SYN3: variants seen among roughly 807,000 people sequenced by gnomAD.
SYN3 encodes the protein synapsin III, also known as synapsin-3.
A neutral mutation model predicts 65.8 loss-of-function variants in SYN3; 35 were observed. The ratio of observed to expected loss-of-function variants is 0.53; its 90% CI spans 0.41 to 0.70. The LOEUF (loss-of-function observed/expected upper bound fraction) is 0.70, where lower values mean the gene tolerates loss of function less well. SYN3 is among the 30% of genes least tolerant of loss of function. The probability of loss-of-function intolerance (pLI) is 0.00; values close to 1 mark genes in which losing one functional copy is unlikely to be tolerated. For missense variants in SYN3, 680 were observed against 749.0 expected (o/e 0.91, Z 1.08); for synonymous variants, 270 against 292.9 (o/e 0.92, Z 0.80).
At position 32,802,250 on chromosome 22, in the gene SYN3, G is replaced by T. The variant is rs568498482; in HGVS notation, c.711+62665C>A. On this transcript the variant is annotated intron_variant, in intron 6 of 13. Transcript: ENST00000358763. ...GAGGGGCAGACGGGGTTGGGGCGGA[G>T]TGGAGAAACTCGATGTCCTTGGGCG... The T allele has an allele frequency of 1.7e-5, 24 of 1,373,138 alleles. No homozygotes were observed. In the African/African-American group the frequency reaches 3.4e-4, roughly 19 times the overall value. The allele number at this position is 1,373,138 out of a possible 1,614,324, so 85.1% of individuals were successfully genotyped here. A position where few individuals can be genotyped will look rare whatever the true frequency, so the allele number is the denominator to read the frequency against.
At chr22:32,713,483 ATC>A (rs2060992743) in intron 6 of SYN3, among the ~76,000 whole-genome samples, 1 of 152,284 alleles carries the variant, frequency 6.6e-6, no homozygotes, top group African/African-American at 2.4e-5. Flanking sequence ...CATTTTAACT[ATC>A]CTTGCCTTGG....
chr22:32,781,084 C>T (rs62232900), intron 6 of SYN3, among the ~76,000 whole-genome samples: 7,179 of 125,578 alleles, frequency 0.057, 248 homozygotes, highest in Middle Eastern at 0.12. Flanking sequence ...TCCCTTCCAT[C>T]CTCCCTTCCT....
intron 6 of SYN3, among the ~76,000 whole-genome samples, chr22:32,789,962 T>C (rs2046281867): frequency 6.6e-6 from 1 of 152,252 alleles, no homozygotes; most frequent in Admixed American, 6.5e-5. Flanking sequence ...GGAATTCTGC[T>C]AAACGCTTTC....
At chr22:32,623,738 C>T (rs2059627003) in intron 6 of SYN3, among the ~76,000 whole-genome samples, 1 of 152,182 alleles carries the variant, frequency 6.6e-6, no homozygotes, top group Non-Finnish European at 1.5e-5. Context: ...AACAAAACTC[C>T]ATCTTCATAG....
intron 4 of SYN3, among the ~76,000 whole-genome samples, chr22:32,900,872 T>TC (rs1320152794): frequency 6.6e-6 from 1 of 152,240 alleles, no homozygotes; most frequent in Non-Finnish European, 1.5e-5. Context: ...GCACATTTAA[T>TC]TATTTGATCA....
chr22:32,510,266 G>A lies in SYN3; in HGVS notation c.*3426C>T, dbSNP rs910182723. Among the ~76,000 whole-genome samples the A allele has an allele frequency of 6.6e-6, 1 of 152,210 alleles. No homozygotes were observed. Among genetic ancestry groups the A allele is most frequent in the South Asian group, 2.1e-4 (1 of 4,822 alleles). On this transcript the variant is annotated 3_prime_UTR_variant, in exon 14 of 14. Coordinates refer to ENST00000358763, the MANE Select transcript of SYN3 (RefSeq NM_003490.4). ...CACATCAAAGTGCATTCAAAGTGGG[G>A]AGATTGACAAAGATGCAGGTTCTGG...
intron 6 of SYN3, among the ~76,000 whole-genome samples, chr22:32,744,751 A>ACAC (rs1011526613): frequency 9.9e-5 from 15 of 151,970 alleles, no homozygotes; most frequent in Non-Finnish European, 1.8e-4. Context: ...CTGAGAACTA[A>ACAC]CACCACCACC....
At chr22:32,950,510 T>C (rs2051256957) in intron 3 of SYN3, among the ~76,000 whole-genome samples, 1 of 152,194 alleles carries the variant, frequency 6.6e-6, no homozygotes, top group African/African-American at 2.4e-5. Context: ...TCTTTCTCTC[T>C]GCAACTCTGA....
At chr22:32,743,507 G>A (rs532489660) in intron 6 of SYN3, among the ~76,000 whole-genome samples, 2 of 152,134 alleles carry the variant, frequency 1.3e-5, no homozygotes, top group Non-Finnish European at 2.9e-5. Flanking sequence ...TGGAGGAGAC[G>A]CTGAAGGCTG....
intron 6 of SYN3, among the ~76,000 whole-genome samples, chr22:32,622,004 C>T (rs1188858383): frequency 6.6e-6 from 1 of 151,846 alleles, no homozygotes; most frequent in East Asian, 2.0e-4. Context: ...TTGACCTGGG[C>T]ACCTCATTTC....
At chr22:32,551,248 A>C (rs1260172407) in intron 7 of SYN3, among the ~76,000 whole-genome samples, 1 of 152,164 alleles carries the variant, frequency 6.6e-6, no homozygotes. Flanking sequence ...TGGATCAGGC[A>C]GACGATACCT....
chr22:32,532,197 C>T (rs1449581372), intron 10 of SYN3, among the ~76,000 whole-genome samples: 1 of 152,294 alleles, frequency 6.6e-6, no homozygotes, highest in Non-Finnish European at 1.5e-5. Flanking sequence ...GGAGCAGCGG[C>T]TCAGTGAATA....
In SYN3 at chr22:32,620,394, T is replaced by G. The variant is rs531742315; in HGVS notation, c.712-23658A>C. On this transcript the variant is annotated intron_variant, in intron 6 of 13. Coordinates refer to ENST00000358763, the MANE Select transcript of SYN3 (RefSeq NM_003490.4). ...CAGGGAAATCTTGTGGCTTCCATTT[T>G]CCTTGAATCCTCTCAGTTTGCCTTT... Among the ~76,000 whole-genome samples the G allele has an allele frequency of 8.7e-4, 132 of 152,218 alleles. 2 individuals are homozygous for G. Among genetic ancestry groups the G allele is most frequent in the Non-Finnish European group, 7.8e-4 (53 of 68,038 alleles).
intron 4 of SYN3, among the ~76,000 whole-genome samples, chr22:32,925,259 T>C (rs1008917690): frequency 6.6e-6 from 1 of 152,128 alleles, no homozygotes; most frequent in African/African-American, 2.4e-5. Context: ...TAAATTTCCC[T>C]CTTCTTATAA....
chr22:32,927,873 T>C (rs1362516517), intron 4 of SYN3, among the ~76,000 whole-genome samples: 1 of 152,224 alleles, frequency 6.6e-6, no homozygotes, highest in Admixed American at 6.5e-5. Flanking sequence ...GATAGAATTA[T>C]AGGTTGGCAA....
chr22:32,791,675 C>T (rs191921573), intron 6 of SYN3, among the ~76,000 whole-genome samples: 16 of 151,660 alleles, frequency 1.1e-4, no homozygotes, highest in African/African-American at 3.9e-4. Flanking sequence ...CGGCAGCATA[C>T]TGGCGATGTA....
intron 2 of SYN3, among the ~76,000 whole-genome samples, chr22:32,981,525 C>T (rs950622557): frequency 1.3e-5 from 2 of 151,776 alleles, no homozygotes; most frequent in African/African-American, 4.8e-5. Context: ...GCAGAAGTTG[C>T]GGTGAGCCAA....
At position 32,704,056 on chromosome 22, in the gene SYN3, CT is replaced by C. The variant is rs376908768; in HGVS notation, c.712-107321del. ...CTGAAATTATATTGTAACTTTTTTT[CT>C]TTTAAGATAATTTTAAAAGACTTTT... On this transcript the variant is annotated intron_variant, in intron 6 of 13. Transcript: ENST00000358763. Among the ~76,000 whole-genome samples, 176 of 151,860 alleles carry C rather than the reference CT, an allele frequency of 1.2e-3. 3 individuals are homozygous for C. The South Asian group carries it at 0.035, about 30-fold the overall frequency.
At chr22:32,845,959 G>T (rs1220450408) in intron 6 of SYN3, among the ~76,000 whole-genome samples, 1 of 152,218 alleles carries the variant, frequency 6.6e-6, no homozygotes, top group Non-Finnish European at 1.5e-5. Flanking sequence ...AGCAAATACG[G>T]ACAGATTAAT....
Sources: gnomAD v4.1 joint callset for allele counts (sites outside exome capture counted in the v4.1 genomes callset) on GRCh38, gnomAD v4.1.1 for gene constraint, MANE v1.5 for transcripts, NCBI Gene and HGNC (gene_info 2026-07-23, HGNC 2026-07-21) for gene names.